Variants in CNIH3 observed in about 807,000 individuals in gnomAD.
The protein encoded by CNIH3 is protein cornichon homolog 3.
In CNIH3, 14 loss-of-function variants were observed where a neutral mutation model predicts 24.1. The observed-to-expected ratio is 0.58, with a 90% confidence interval of 0.38 to 0.91. The LOEUF (loss-of-function observed/expected upper bound fraction) is 0.91. Among genes scored for constraint, CNIH3 ranks in the 40% least tolerant of loss-of-function variants. The probability of loss-of-function intolerance (pLI) is 0.00; values close to 1 mark genes in which losing one functional copy is unlikely to be tolerated. For missense variants in CNIH3, 178 were observed against 196.8 expected (o/e 0.90, Z 0.57); for synonymous variants, 68 against 73.8 (o/e 0.92, Z 0.40).
intron 1 of CNIH3, among the ~76,000 whole-genome samples, chr1:224,635,318 G>T (rs1277096521): frequency 2.0e-5 from 3 of 152,226 alleles, no homozygotes; most frequent in Non-Finnish European, 4.4e-5. Flanking sequence ...TACTATTCGA[G>T]ATGAGATTTG....
chr1:224,718,774 C>T (rs188737852), intron 3 of CNIH3, among the ~76,000 whole-genome samples: 3 of 152,074 alleles, frequency 2.0e-5, no homozygotes, highest in Non-Finnish European at 2.9e-5. Context: ...TCCTGGGACT[C>T]GTGGCAGTTT....
intron 3 of CNIH3, among the ~76,000 whole-genome samples, chr1:224,689,323 A>C (rs948397704): frequency 6.6e-6 from 1 of 152,148 alleles, no homozygotes; most frequent in Admixed American, 6.5e-5. Flanking sequence ...ATGCATATTA[A>C]ATGTTATTAT....
chr1:224,543,208 G>A (rs1000838287), intron 2 of CNIH3, among the ~76,000 whole-genome samples: 6 of 152,168 alleles, frequency 3.9e-5, no homozygotes, highest in Admixed American at 1.3e-4. Context: ...AAGTTTAGTG[G>A]AGCTTCCTGG....
At chr1:224,492,033 G>C (rs1677255481) in intron 1 of CNIH3, among the ~76,000 whole-genome samples, 1 of 152,190 alleles carries the variant, frequency 6.6e-6, no homozygotes, top group African/African-American at 2.4e-5. Flanking sequence ...GGGACTGTGG[G>C]CATGAGCTGC....
intron 2 of CNIH3, among the ~76,000 whole-genome samples, chr1:224,535,187 A>T (rs563092951): frequency 6.6e-6 from 1 of 152,290 alleles, no homozygotes; most frequent in East Asian, 1.9e-4. Flanking sequence ...CCTCATAAGA[A>T]GAGGGGAATC....
At chr1:224,493,881 C>T (rs1677331448) in intron 1 of CNIH3, among the ~76,000 whole-genome samples, 1 of 152,108 alleles carries the variant, frequency 6.6e-6, no homozygotes, top group African/African-American at 2.4e-5. Context: ...GCCCAGAGTC[C>T]CGTCATTAAC....
intron 3 of CNIH3, among the ~76,000 whole-genome samples, chr1:224,724,577 G>A (rs939357566): frequency 6.6e-6 from 1 of 152,212 alleles, no homozygotes; most frequent in Non-Finnish European, 1.5e-5. Flanking sequence ...TTTAGTATGG[G>A]CTGAGGAATC....
chr1:224,485,698 G>A (rs1185595030), intron 1 of CNIH3, among the ~76,000 whole-genome samples: 1 of 152,188 alleles, frequency 6.6e-6, no homozygotes, highest in Non-Finnish European at 1.5e-5. Context: ...TCACTATGTT[G>A]TGCAGGCTTG....
At chr1:224,656,130 G>A (rs773280340) in intron 1 of CNIH3, among the ~76,000 whole-genome samples, 2 of 152,168 alleles carry the variant, frequency 1.3e-5, no homozygotes, top group Non-Finnish European at 2.9e-5. Context: ...CAATCATGGG[G>A]AATCTGACCA....
chr1:224,563,649 G>A (rs1254315224), intron 3 of CNIH3, among the ~76,000 whole-genome samples: 2 of 152,204 alleles, frequency 1.3e-5, no homozygotes, highest in African/African-American at 4.8e-5. Flanking sequence ...CCAGTATTAA[G>A]TATCTCCCGT....
chr1:224,469,347 G>C lies in CNIH3; in HGVS notation n.203+34485G>C, dbSNP rs148653200. ...TCCTTCCACCTTGGCCTCCCAAACT[G>C]CTGGGATTACAGGTGTGAGCCACTC... On this transcript the variant is annotated intron_variant and non_coding_transcript_variant, in intron 1 of 5. Transcript: ENST00000471578. 5.6e-3 allele frequency among the ~76,000 whole-genome samples: 849 copies of C among 152,120 alleles called. 33 individuals are homozygous for C. The highest frequency in any genetic ancestry group is 1.9e-3 in the Non-Finnish European group (132 of 68,008).
intron 1 of CNIH3, among the ~76,000 whole-genome samples, chr1:224,479,016 G>A (rs1265615752): frequency 6.6e-6 from 1 of 152,066 alleles, no homozygotes; most frequent in Non-Finnish European, 1.5e-5. Flanking sequence ...CCTACAACAT[G>A]TGGGAATTCA....
chr1:224,500,051 T>C (rs1289407070), intron 1 of CNIH3, among the ~76,000 whole-genome samples: 2 of 152,154 alleles, frequency 1.3e-5, no homozygotes, highest in South Asian at 2.1e-4. Context: ...TCTCCTAGGC[T>C]GAAGTGTAGT....
At chr1:224,530,890 G>A in intron 2 of CNIH3, among the ~76,000 whole-genome samples, 1 of 152,282 alleles carries the variant, frequency 6.6e-6, no homozygotes, top group African/African-American at 2.4e-5. Context: ...GAGCCACTGT[G>A]TGGCCTAAAC....
chr1:224,487,880 C>T (rs1334030865), intron 1 of CNIH3, among the ~76,000 whole-genome samples: 1 of 152,120 alleles, frequency 6.6e-6, no homozygotes, highest in East Asian at 1.9e-4. Flanking sequence ...GAAACCCTTT[C>T]CTTCTTTAAA....
intron 1 of CNIH3, among the ~76,000 whole-genome samples, chr1:224,674,272 G>GTTTTTTTTTTT (rs71170028): frequency 3.9e-4 from 28 of 72,068 alleles, no homozygotes; most frequent in African/African-American, 5.9e-4. Flanking sequence ...TTCCAGGAAG[G>GTTTTTTTTTTT]TTTTTTTTTT....
At chr1:224,698,829 A>G (rs1005831171) in intron 3 of CNIH3, among the ~76,000 whole-genome samples, 3 of 152,210 alleles carry the variant, frequency 2.0e-5, no homozygotes, top group Non-Finnish European at 2.9e-5. Flanking sequence ...AGCGCAGCAC[A>G]TAGCCAGTAA....
downstream of CNIH3, among the ~76,000 whole-genome samples, chr1:224,589,828 G>A (rs889253803): frequency 1.1e-4 from 16 of 152,222 alleles, no homozygotes; most frequent in Middle Eastern, 3.4e-3. Context: ...CTTACCAGTG[G>A]GACCTTACTG....
At chr1:224,647,251 G>A (rs542250353) in intron 1 of CNIH3, among the ~76,000 whole-genome samples, 266 of 152,344 alleles carry the variant, frequency 1.7e-3, no homozygotes, top group African/African-American at 4.5e-3. Context: ...CCAAAGTGCC[G>A]TAATTATAGG....
Sources: allele counts gnomAD v4.1 joint callset (sites outside exome capture counted in the v4.1 genomes callset), GRCh38; gene constraint gnomAD v4.1.1; transcripts MANE v1.5; gene names NCBI Gene and HGNC (gene_info 2026-07-23, HGNC 2026-07-21).